AOX1: variants seen among roughly 807,000 people sequenced by gnomAD.
AOX1 encodes the protein aldehyde oxidase.
A neutral mutation model predicts 169.5 loss-of-function variants in AOX1; 153 were observed. The observed-to-expected ratio is 0.90, with a 90% CI of 0.79 to 1.03. The LOEUF (loss-of-function observed/expected upper bound fraction) is 1.03, where lower values mean the gene tolerates loss of function less well. Among genes scored for constraint, AOX1 ranks in the 50% least tolerant of loss-of-function variants. The probability of loss-of-function intolerance (pLI) is 0.00; values close to 1 mark genes in which losing one functional copy is unlikely to be tolerated. For synonymous variants in AOX1, 562 were observed against 581.9 expected, an observed-to-expected ratio of 0.97 and a Z score of 0.49; for missense variants, 1,656 against 1,663.9, an observed-to-expected ratio of 1.00 and a Z score of 0.08.
At chr2:200,674,003 G>A (rs568240351), downstream of AOX1, among the ~76,000 whole-genome samples, 1 of 152,350 alleles carries the variant, frequency 6.6e-6, no homozygotes, top group African/African-American at 2.4e-5. Flanking sequence ...GTAAGATCAG[G>A]CAAGCAAAAG....
intron 18 of AOX1, among the ~76,000 whole-genome samples, chr2:200,622,442 G>A (rs2034906062): frequency 6.6e-6 from 1 of 152,222 alleles, no homozygotes; most frequent in South Asian, 2.1e-4. Context: ...TTACCCAAAA[G>A]GGCTTCATAA....
At chr2:200,645,122 C>T (rs2035424907) in intron 25 of AOX1, among the ~76,000 whole-genome samples, 1 of 151,940 alleles carries the variant, frequency 6.6e-6, no homozygotes, top group Non-Finnish European at 1.5e-5. Context: ...TGTCTTGTTC[C>T]CGTTGAATGC....
At chr2:200,652,659 G>A (rs2035603036) in intron 26 of AOX1, among the ~76,000 whole-genome samples, 1 of 152,110 alleles carries the variant, frequency 6.6e-6, no homozygotes, top group South Asian at 2.1e-4. Flanking sequence ...TTTGGCCGTG[G>A]GTAAACATGG....
At chr2:200,641,837 C>A (rs2105747667) in intron 24 of AOX1, among the ~76,000 whole-genome samples, 1 of 152,154 alleles carries the variant, frequency 6.6e-6, no homozygotes, top group Admixed American at 6.5e-5. Context: ...TCCAGCCCAA[C>A]CCCAAACAAA....
chr2:200,611,617 G>A (rs962207078), intron 13 of AOX1, 124 bp downstream of exon 13: 230 of 679,352 alleles, frequency 3.4e-4, no homozygotes, highest in Non-Finnish European at 4.8e-4. Flanking sequence ...CTCAACTTCA[G>A]GAAGTGGTAT....
Position 200,586,813 on chromosome 2 carries a change from G to A in AOX1, c.45+660G>A, listed in dbSNP as rs1015058831. ...GCCTCAGAAGCTGGGCTCGCTCTGCGCAACCCGAGGGACAGTTCCAGGCAG... is the reference window on the plus strand; with the variant it reads ...GCCTCAGAAGCTGGGCTCGCTCTGCACAACCCGAGGGACAGTTCCAGGCAG... On this transcript the variant is annotated intron_variant, in intron 1 of 34. Coordinates refer to ENST00000374700, the MANE Select transcript of AOX1 (RefSeq NM_001159.4). Among the ~76,000 whole-genome samples, 3 of 152,186 alleles carry A rather than the reference G, an allele frequency of 2.0e-5. No homozygotes were observed. In the East Asian group the frequency reaches 5.8e-4, roughly 29 times the overall value.
chr2:200,603,157 C>T, intron 6 of AOX1, 110 bp from the exon 7 acceptor site: 1 of 827,420 alleles, frequency 1.2e-6, no homozygotes, highest in East Asian at 2.6e-5. Flanking sequence ...TCTTTCATGG[C>T]ATCTAACGAT....
At chr2:200,643,026 A>C (rs1031531051) in intron 25 of AOX1, among the ~76,000 whole-genome samples, 3 of 152,158 alleles carry the variant, frequency 2.0e-5, no homozygotes, top group African/African-American at 7.2e-5. Context: ...CTGAGGACTG[A>C]GCACTGCATT....
At position 200,641,183 on chromosome 2, in the gene AOX1, T is replaced by G. The variant is rs1184556208; in HGVS notation, c.2654T>G (p.Phe885Cys). 1 of 1,604,990 alleles carries G rather than the reference T, an allele frequency of 6.2e-7. No individual in the cohort carries two copies. Among genetic ancestry groups the G allele is most frequent in the African/African-American group, 1.3e-5 (1 of 74,760 alleles). ...NAGASLDESL[F>C]VIEMGLLKMD... is the part of the protein sequence containing the mutation. ...GGCGCCTCCTTGGATGAATCATTAT[T>G]CGTAAGTGTTTTAAGGAGCAAGTTC... The change falls in exon 24 of 35, where the codon TTC becomes TGC. Residue 885 changes from phenylalanine to cysteine, a missense_variant and splice_region_variant. Physicochemically the swap from Phe to Cys is radical, Grantham distance 205. Transcript: ENST00000374700.
chr2:200,647,752 C>T (rs752855884), intron 25 of AOX1, among the ~76,000 whole-genome samples: 59 of 152,276 alleles, frequency 3.9e-4, no homozygotes, highest in South Asian at 4.2e-4. Context: ...TTAACATAAT[C>T]CCAGACTTCT....
At chr2:200,646,373 G>A (rs1280889515) in intron 25 of AOX1, among the ~76,000 whole-genome samples, 1 of 152,074 alleles carries the variant, frequency 6.6e-6, no homozygotes, top group Non-Finnish European at 1.5e-5. Context: ...TGGTTCTGAA[G>A]GTTCCTTTTG....
chr2:200,623,289 G>A (rs866800052), intron 18 of AOX1, among the ~76,000 whole-genome samples: 3 of 152,162 alleles, frequency 2.0e-5, no homozygotes, highest in East Asian at 1.9e-4. Context: ...ACCTGCAGGC[G>A]AATAATCCTA....
Position 200,642,802 on chromosome 2 carries a change from G to A in AOX1, c.2847+1G>A. The A allele has an allele frequency of 6.2e-7, 1 of 1,610,578 alleles. No individual in the cohort carries two copies. The highest frequency in any genetic ancestry group is 2.2e-5 in the East Asian group (1 of 44,706). ...CAAATGTGGACTATCCCCTGAGAAG[G>A]TAATACTAAATCAGCTTCACAGACA... On this transcript the variant is annotated splice_donor_variant, in intron 25 of 34. Coordinates refer to ENST00000374700, the MANE Select transcript of AOX1 (RefSeq NM_001159.4). LOFTEE classifies it high-confidence loss of function.
chr2:200,629,037 G>A (rs1242387740), intron 20 of AOX1, among the ~76,000 whole-genome samples: 1 of 152,160 alleles, frequency 6.6e-6, no homozygotes, highest in African/African-American at 2.4e-5. Flanking sequence ...CCCATCCTGA[G>A]TGCACAGCCA....
rs1313761073 is a variant in AOX1, at chr2:200,651,011, C to T, written c.2885C>T (p.Thr962Ile). The T allele has an allele frequency of 6.2e-7, 1 of 1,614,088 alleles. No individual in the cohort carries two copies. Among genetic ancestry groups the T allele is most frequent in the Non-Finnish European group, 8.5e-7 (1 of 1,180,042 alleles). ...IINMYKEIDQ[T>I]PYKQEINAKN... ...AACATGTACAAGGAAATTGATCAAA[C>T]ACCCTACAAACAAGAGATCAATGCC... The change falls in exon 26 of 35, where the codon ACA becomes ATA. Residue 962 changes from threonine (T) to isoleucine (I), a missense_variant. By Grantham distance (89) the Thr-to-Ile change is moderately conservative (BLOSUM62 -1). Coordinates refer to ENST00000374700, the MANE Select transcript of AOX1 (RefSeq NM_001159.4).
intron 31 of AOX1, among the ~76,000 whole-genome samples, chr2:200,664,481 G>A (rs2035890692): frequency 6.6e-6 from 1 of 152,218 alleles, no homozygotes; most frequent in Admixed American, 6.5e-5. Flanking sequence ...TGAAAACTTA[G>A]TCATGTGGAT....
At chr2:200,600,569 G>C (rs1026817459) in intron 5 of AOX1, among the ~76,000 whole-genome samples, 1 of 152,036 alleles carries the variant, frequency 6.6e-6, no homozygotes, top group African/African-American at 2.4e-5. Context: ...CCATGGCTCC[G>C]TTTGTCTTTG....
chr2:200,662,394 T>C (rs2035844692), intron 30 of AOX1, among the ~76,000 whole-genome samples: 1 of 152,192 alleles, frequency 6.6e-6, no homozygotes, highest in Non-Finnish European at 1.5e-5. Flanking sequence ...TGGAGCTTGA[T>C]GGTGAGAGAC....
At chr2:200,586,585 G>T (rs1374060930) in intron 1 of AOX1, among the ~76,000 whole-genome samples, 1 of 152,230 alleles carries the variant, frequency 6.6e-6, no homozygotes, top group Non-Finnish European at 1.5e-5. Flanking sequence ...CAGCTCGCGG[G>T]GTGCGTTTGG....
Sources: allele counts gnomAD v4.1 joint callset (sites outside exome capture counted in the v4.1 genomes callset), GRCh38; gene constraint gnomAD v4.1.1; transcripts MANE v1.5; gene names NCBI Gene and HGNC (gene_info 2026-07-23, HGNC 2026-07-21).